KCNMA1: variants seen among roughly 807,000 people sequenced by gnomAD.
The protein encoded by KCNMA1 is potassium calcium-activated channel subfamily M alpha 1.
Under a neutral mutation model 140.0 loss-of-function variants are expected in KCNMA1, and 29 were observed. That is an observed-to-expected ratio of 0.21 (90% CI 0.15 to 0.28). The LOEUF is 0.28. Ranked by LOEUF, KCNMA1 falls within the 10% of genes least tolerant of loss-of-function variation. KCNMA1 has a pLI of 1.00. For missense variants in KCNMA1, 880 were observed against 1,602.2 expected (o/e 0.55, Z 7.70); for synonymous variants, 612 against 611.9 (o/e 1.00, Z 0.00).
chr10:77,440,046 A>G (rs1042151953), intron 1 of KCNMA1, among the ~76,000 whole-genome samples: 11 of 152,176 alleles, frequency 7.2e-5, no homozygotes, highest in Admixed American at 7.2e-4. Flanking sequence ...TGGACTCTCA[A>G]TTCTGACACC....
intron 13 of KCNMA1, chr10:77,078,219 T>A (rs2096459685): frequency 6.6e-6 from 1 of 152,092 alleles, no homozygotes; most frequent in Non-Finnish European, 1.5e-5. Context: ...CAGCAGCGAG[T>A]TATTCTGTAC....
At chr10:77,490,039 T>C (rs2098512840) in intron 1 of KCNMA1, among the ~76,000 whole-genome samples, 1 of 152,204 alleles carries the variant, frequency 6.6e-6, no homozygotes, top group Admixed American at 6.5e-5. Flanking sequence ...TCCTGTGTAT[T>C]ATAAGATGAG....
At chr10:77,604,702 A>C (rs891046140) in intron 1 of KCNMA1, among the ~76,000 whole-genome samples, 1 of 150,892 alleles carries the variant, frequency 6.6e-6, no homozygotes, top group African/African-American at 2.4e-5. Context: ...CCCCAAAAAA[A>C]AGAGTTGCCT....
chr10:77,313,505 T>A (rs529565917), intron 2 of KCNMA1, among the ~76,000 whole-genome samples: 12 of 152,310 alleles, frequency 7.9e-5, no homozygotes, highest in African/African-American at 2.4e-4. Flanking sequence ...TCTCTGCTAC[T>A]GGGCCAAGAC....
chr10:77,448,953 G>A (rs1010468721), intron 1 of KCNMA1, among the ~76,000 whole-genome samples: 47 of 152,138 alleles, frequency 3.1e-4, no homozygotes, highest in African/African-American at 1.1e-3. Flanking sequence ...CAGGCGTAGT[G>A]GTGCATGCCT....
At chr10:77,337,148 C>T (rs1298580545) in intron 2 of KCNMA1, among the ~76,000 whole-genome samples, 1 of 152,172 alleles carries the variant, frequency 6.6e-6, no homozygotes, top group Non-Finnish European at 1.5e-5. Flanking sequence ...CTCTGTGTAC[C>T]TAGCACTGTG....
intron 20 of KCNMA1, among the ~76,000 whole-genome samples, chr10:76,960,355 C>T (rs1259416712): frequency 6.6e-6 from 1 of 152,058 alleles, no homozygotes; most frequent in African/African-American, 2.4e-5. Context: ...GCCTAGGCAA[C>T]ATGGTAAAAC....
At chr10:77,175,752 C>A (rs1464777258) in intron 5 of KCNMA1, among the ~76,000 whole-genome samples, 3 of 152,184 alleles carry the variant, frequency 2.0e-5, no homozygotes, top group African/African-American at 7.2e-5. Context: ...GGAACTTACT[C>A]ATGACCAGGC....
chr10:77,124,618 T>C (rs2097694424), intron 5 of KCNMA1, among the ~76,000 whole-genome samples: 1 of 152,200 alleles, frequency 6.6e-6, no homozygotes, highest in Non-Finnish European at 1.5e-5. Context: ...AAGACCCCTG[T>C]GGGCTGAACA....
chr10:76,958,786 C>T (rs184694289), intron 20 of KCNMA1, among the ~76,000 whole-genome samples: 2 of 152,284 alleles, frequency 1.3e-5, no homozygotes, highest in African/African-American at 4.8e-5. Context: ...AGACTTTCAT[C>T]TCAGACTTCT....
intron 5 of KCNMA1, among the ~76,000 whole-genome samples, chr10:77,138,308 A>C (rs1239290064): frequency 6.6e-6 from 1 of 152,166 alleles, no homozygotes; most frequent in African/African-American, 2.4e-5. Context: ...ATGGTCACCC[A>C]TCCTGGGGTG....
At chr10:76,887,569 C>T in intron 27 of KCNMA1, 54 bp from the exon 28 acceptor site, 1 of 1,606,152 alleles carries the variant, frequency 6.2e-7, no homozygotes, top group Non-Finnish European at 8.5e-7. Flanking sequence ...GTAAAGAATT[C>T]AACTCTCTCT....
At chr10:77,038,539 G>T (rs576971831) in intron 15 of KCNMA1, among the ~76,000 whole-genome samples, 4 of 152,188 alleles carry the variant, frequency 2.6e-5, no homozygotes, top group African/African-American at 7.2e-5. Context: ...CAACATCTGA[G>T]ATTTTTTATT....
chr10:77,299,444 C>T (rs752004120), intron 2 of KCNMA1, among the ~76,000 whole-genome samples: 12 of 152,300 alleles, frequency 7.9e-5, no homozygotes, highest in East Asian at 1.9e-4. Context: ...ATCTGGCCCA[C>T]GCCTGCAGCT....
At chr10:76,922,796 C>T (rs887277288) in intron 23 of KCNMA1, among the ~76,000 whole-genome samples, 1 of 152,144 alleles carries the variant, frequency 6.6e-6, no homozygotes, top group Admixed American at 6.5e-5. Context: ...AGCCTTTTTG[C>T]ATTGGATTTC....
intron 3 of KCNMA1, among the ~76,000 whole-genome samples, chr10:77,217,278 C>G (rs1053774781): frequency 6.6e-6 from 1 of 151,286 alleles, no homozygotes; most frequent in African/African-American, 2.4e-5. Context: ...GCACTCCAAC[C>G]TGGGTGACTC....
chr10:76,903,767 C>T lies in KCNMA1; in HGVS notation c.3147+6199G>A, dbSNP rs577638137. 14 of 152,324 alleles carry T rather than the reference C, an allele frequency of 9.2e-5. No homozygotes were observed. In the East Asian group the frequency reaches 2.7e-3, roughly 29 times the overall value. The allele number at this position is 152,324 out of a possible 1,614,324, so 9.4% of individuals were successfully genotyped here. On this transcript the variant is annotated intron_variant, in intron 25 of 27. Transcript: ENST00000286628. ...TAACACCAGGTTCAAGGGTTTGGCC[C>T]TTAATGAAAGTACAGGAAAGACAGT...
At chr10:77,133,565 T>C (rs930782603) in intron 5 of KCNMA1, among the ~76,000 whole-genome samples, 1 of 151,346 alleles carries the variant, frequency 6.6e-6, no homozygotes, top group African/African-American at 2.4e-5. Context: ...TTAAAAAGAA[T>C]AAAAAGTAAT....
At chr10:77,306,188 C>A (rs2154338497) in intron 2 of KCNMA1, among the ~76,000 whole-genome samples, 1 of 152,328 alleles carries the variant, frequency 6.6e-6, no homozygotes, top group African/African-American at 2.4e-5. Flanking sequence ...CAGTAGCCAA[C>A]AAAATGGGGG....
Sources: gnomAD v4.1 joint callset for allele counts (sites outside exome capture counted in the v4.1 genomes callset) on GRCh38, gnomAD v4.1.1 for gene constraint, MANE v1.5 for transcripts, NCBI Gene and HGNC (gene_info 2026-07-23, HGNC 2026-07-21) for gene names.